Variants in BLTP3B observed in about 807,000 individuals in gnomAD.
BLTP3B encodes bridge-like lipid transfer protein family member 3B.
chr12:100,098,899 A>G, the BLTP3B span, among the ~76,000 whole-genome samples: 1 of 143,232 alleles, frequency 7.0e-6, no homozygotes, highest in Non-Finnish European at 1.5e-5. Context: ...ACAGAGCAAG[A>G]CTCTGTCTAA....
the BLTP3B span, chr12:100,097,513 G>T: frequency 6.3e-7 from 1 of 1,594,286 alleles, no homozygotes; most frequent in Middle Eastern, 1.7e-4. Flanking sequence ...AACCTAAGGA[G>T]AACACAGAGA....
At chr12:100,096,425 T>G in the BLTP3B span, among the ~76,000 whole-genome samples, 1 of 152,192 alleles carries the variant, frequency 6.6e-6, no homozygotes, top group Non-Finnish European at 1.5e-5. Context: ...ATATAATTAC[T>G]TGTATTAATT....
At chr12:100,098,566 T>C in the BLTP3B span, 9 of 1,582,442 alleles carry the variant, frequency 5.7e-6, no homozygotes, top group Middle Eastern at 1.7e-4. Context: ...CAAAACAAAA[T>C]ACACTAATGA....
At chr12:100,063,968 G>A in the BLTP3B span, among the ~76,000 whole-genome samples, 1 of 152,136 alleles carries the variant, frequency 6.6e-6, no homozygotes, top group Non-Finnish European at 1.5e-5. Flanking sequence ...AAGAATTCAG[G>A]AGGTTAGTTA....
At chr12:100,102,646 T>C in the BLTP3B span, 2 of 680,082 alleles carry the variant, frequency 2.9e-6, no homozygotes. Flanking sequence ...TAACTAAAAT[T>C]GTAAAATGTT....
chr12:100,103,828 C>A, the BLTP3B span: 3 of 1,192,426 alleles, frequency 2.5e-6, no homozygotes, highest in Non-Finnish European at 2.3e-6. Context: ...ACTATATTTC[C>A]ATGAAACAAA....
At chr12:100,072,940 C>T in the BLTP3B span, 3 of 943,282 alleles carry the variant, frequency 3.2e-6, no homozygotes, top group Non-Finnish European at 3.0e-6. Context: ...CCAGTGTAAA[C>T]TTTATTATAT....
chr12:100,121,245 G>T, the BLTP3B span, among the ~76,000 whole-genome samples: 1 of 151,698 alleles, frequency 6.6e-6, no homozygotes, highest in Non-Finnish European at 1.5e-5. Context: ...AGCTACTCGG[G>T]AGGGTGAGGC....
the BLTP3B span, among the ~76,000 whole-genome samples, chr12:100,077,783 T>A: frequency 1.3e-5 from 2 of 152,238 alleles, no homozygotes; most frequent in Admixed American, 6.5e-5. Flanking sequence ...GATCATATAT[T>A]ATCGTGTTGG....
the BLTP3B span, among the ~76,000 whole-genome samples, chr12:100,046,280 C>T: frequency 9.9e-5 from 15 of 151,994 alleles, no homozygotes; most frequent in South Asian, 8.3e-4. Flanking sequence ...TGCACACATA[C>T]GTTTATTGCA....
At chr12:100,123,109 G>A in the BLTP3B span, among the ~76,000 whole-genome samples, 1 of 152,086 alleles carries the variant, frequency 6.6e-6, no homozygotes, top group African/African-American at 2.4e-5. Context: ...TCCCCAACTA[G>A]AAGATCAGCT....
At chr12:100,058,958 A>G in the BLTP3B span, 4 of 1,614,126 alleles carry the variant, frequency 2.5e-6, no homozygotes, top group Non-Finnish European at 3.4e-6. Flanking sequence ...ACTCTGTACT[A>G]TAATACTCCT....
At chr12:100,133,034 G>T in the BLTP3B span, among the ~76,000 whole-genome samples, 8 of 152,096 alleles carry the variant, frequency 5.3e-5, no homozygotes, top group Non-Finnish European at 1.0e-4. Context: ...ACGAGGTCAG[G>T]AGATGGAGAC....
At chr12:100,113,687 T>G in the BLTP3B span, among the ~76,000 whole-genome samples, 1 of 150,274 alleles carries the variant, frequency 6.7e-6, no homozygotes, top group African/African-American at 2.5e-5. Flanking sequence ...GCCAGACAGG[T>G]TGGCTCAGGC....
the BLTP3B span, among the ~76,000 whole-genome samples, chr12:100,089,758 G>A: frequency 3.3e-5 from 5 of 151,996 alleles, no homozygotes; most frequent in African/African-American, 1.2e-4. Context: ...ACAAATGTGG[G>A]CCCTGTATAC....
chr12:100,084,895 G>GA, the BLTP3B span, among the ~76,000 whole-genome samples: 1 of 152,060 alleles, frequency 6.6e-6, no homozygotes, highest in Non-Finnish European at 1.5e-5. Flanking sequence ...ATTCTTAGTA[G>GA]AAAATCACTA....
the BLTP3B span, among the ~76,000 whole-genome samples, chr12:100,114,727 G>A: frequency 6.6e-6 from 1 of 152,142 alleles, no homozygotes; most frequent in Non-Finnish European, 1.5e-5. Flanking sequence ...ACTTTGGCTT[G>A]GATCACTAAG....
chr12:100,062,957 C>CA, the BLTP3B span, among the ~76,000 whole-genome samples: 24 of 131,220 alleles, frequency 1.8e-4, no homozygotes, highest in South Asian at 7.7e-4. Flanking sequence ...GAGGCTGTCT[C>CA]AAAAAAAAAG....
At chr12:100,073,663 C>T in the BLTP3B span, among the ~76,000 whole-genome samples, 2 of 152,032 alleles carry the variant, frequency 1.3e-5, no homozygotes, top group South Asian at 2.1e-4. Flanking sequence ...GCTATAAACA[C>T]TTCCGTCAAA....
Sources: gnomAD v4.1 joint callset for allele counts (sites outside exome capture counted in the v4.1 genomes callset) on GRCh38, gnomAD v4.1.1 for gene constraint, MANE v1.5 for transcripts, NCBI Gene and HGNC (gene_info 2026-07-23, HGNC 2026-07-21) for gene names.